Variants in MAP3K9 observed in about 807,000 individuals in gnomAD.
The protein encoded by MAP3K9 is mixed lineage kinase 1 (tyr and ser/thr specificity).
MAP3K9 carries 46 observed loss-of-function variants against 95.8 expected under a neutral mutation model. The observed-to-expected ratio is 0.48, with a 90% CI of 0.38 to 0.61. The LOEUF (loss-of-function observed/expected upper bound fraction) is 0.61. Among genes scored for constraint, MAP3K9 ranks in the 20% least tolerant of loss-of-function variants. The probability of loss-of-function intolerance (pLI) is 0.00; values close to 1 mark genes in which losing one functional copy is unlikely to be tolerated. For synonymous variants in MAP3K9, 533 were observed against 593.8 expected (o/e 0.90, Z 1.49); for missense variants, 1,296 against 1,474.3 (o/e 0.88, Z 1.98).
At chr14:70,739,752 C>G (rs2054041319) in intron 7 of MAP3K9, 1 of 821,768 alleles carries the variant, frequency 1.2e-6, no homozygotes, top group African/African-American at 1.7e-5. Context: ...ATCCACATCA[C>G]ACACCAGTTT....
chr14:70,795,857 C>A (rs192982721), intron 2 of MAP3K9, among the ~76,000 whole-genome samples: 25 of 151,770 alleles, frequency 1.6e-4, no homozygotes, highest in Admixed American at 1.0e-3. Context: ...CTCCCGGGTT[C>A]AAATGATTCT....
At chr14:70,738,442 C>G (rs1200840174) in intron 7 of MAP3K9, 44 bp from the exon 8 acceptor site, 1 of 1,589,810 alleles carries the variant, frequency 6.3e-7, no homozygotes, top group Non-Finnish European at 8.6e-7. Flanking sequence ...AATGGACAGA[C>G]AGGGCTCCCC....
At chr14:70,805,738 G>A (rs1380858902) in intron 1 of MAP3K9, among the ~76,000 whole-genome samples, 1 of 152,142 alleles carries the variant, frequency 6.6e-6, no homozygotes, top group Non-Finnish European at 1.5e-5. Context: ...GGGCAACAAA[G>A]CAAGACCTCA....
At chr14:70,786,360 G>A (rs2054744561) in intron 2 of MAP3K9, among the ~76,000 whole-genome samples, 2 of 151,938 alleles carry the variant, frequency 1.3e-5, no homozygotes, top group Non-Finnish European at 2.9e-5. Context: ...CTCTCAGCGG[G>A]GATTCCTATC....
chr14:70,808,683 CTCGCGCAGTGCT>C, intron 1 of MAP3K9, 71 bp downstream of exon 1: 1 of 295,004 alleles, frequency 3.4e-6, no homozygotes, highest in South Asian at 4.3e-5. Flanking sequence ...CATCCCAGCC[CTCGCGCAGTGCT>C]CCCCCCTTCC....
At chr14:70,748,553 C>T (rs1469364680) in intron 5 of MAP3K9, among the ~76,000 whole-genome samples, 1 of 152,130 alleles carries the variant, frequency 6.6e-6, no homozygotes, top group African/African-American at 2.4e-5. Flanking sequence ...AATCAAGAAA[C>T]ATTTCCAGAA....
At chr14:70,785,521 G>A (rs1238076982) in intron 2 of MAP3K9, among the ~76,000 whole-genome samples, 2 of 152,062 alleles carry the variant, frequency 1.3e-5, no homozygotes, top group African/African-American at 2.4e-5. Flanking sequence ...TACTGTATTC[G>A]CCCTTCTTGT....
chr14:70,809,159 T>C lies in MAP3K9; in HGVS notation c.13A>G (p.Arg5Gly), dbSNP rs2055037648. The C allele has an allele frequency of 7.3e-7, 1 of 1,360,950 alleles. No individual in the cohort carries two copies. The highest frequency in any genetic ancestry group is 3.9e-5 in the Admixed American group (1 of 25,436). The allele number at this position is 1,360,950 out of a possible 1,614,324, so 84.3% of individuals were successfully genotyped here. A position where few individuals can be genotyped will look rare whatever the true frequency, so the allele number is the denominator to read the frequency against. The change falls in exon 1 of 12, where the codon AGA (arginine) becomes GGA (glycine). Residue 5 changes from arginine (R) to glycine (G), a missense_variant. Physicochemically the swap from Arg to Gly is moderately radical, Grantham distance 125. Coordinates refer to ENST00000554752, the MANE Select transcript of MAP3K9 (RefSeq NM_001284230.2). Reference protein sequence around the residue: MEPSRALLGCLASAA... With the variant: MEPSGALLGCLASAA... Reference sequence around the variant, plus strand: ...CTCGCTAGGCAGCCGAGAAGCGCTCTGGAGGGCTCCATGGAGCGGCCGATC... The same window carrying C: ...CTCGCTAGGCAGCCGAGAAGCGCTCCGGAGGGCTCCATGGAGCGGCCGATC...
intron 2 of MAP3K9, among the ~76,000 whole-genome samples, chr14:70,770,082 C>G (rs184391961): frequency 2.0e-5 from 3 of 152,160 alleles, no homozygotes; most frequent in African/African-American, 2.4e-5. Context: ...TAGGCAAGAT[C>G]ATGAACAAGT....
chr14:70,801,886 C>T (rs1386942545), intron 1 of MAP3K9, among the ~76,000 whole-genome samples: 1 of 152,076 alleles, frequency 6.6e-6, no homozygotes. Flanking sequence ...ACGAAGTATA[C>T]GGTATATTAG....
chr14:70,736,524 G>C (rs1566731421), intron 8 of MAP3K9, among the ~76,000 whole-genome samples: 3 of 152,040 alleles, frequency 2.0e-5, no homozygotes, highest in African/African-American at 4.8e-5. Flanking sequence ...TAGGAACTAA[G>C]ACTCATGAAA....
In MAP3K9 at chr14:70,724,131, CT is replaced by C. The variant is rs2053788716; in HGVS notation, c.*6248del. ...GAGAATGAATGAAGTTCATTCACTTCTGGAATTCAAACATGTTCCAAAGAGG... is the reference window on the plus strand; with the variant it reads ...GAGAATGAATGAAGTTCATTCACTTCGGAATTCAAACATGTTCCAAAGAGG... On this transcript the variant is annotated 3_prime_UTR_variant, in exon 12 of 12. Transcript: ENST00000554752. The C allele has an allele frequency of 6.6e-6, 1 of 152,188 alleles. No individual in the cohort carries two copies. Among genetic ancestry groups the C allele is most frequent in the South Asian group, 2.1e-4 (1 of 4,824 alleles). 9.4% of individuals were successfully genotyped at this position (152,188 alleles called of 1,614,324 possible).
chr14:70,747,944 T>A (rs1273258152), intron 5 of MAP3K9, among the ~76,000 whole-genome samples: 1 of 151,782 alleles, frequency 6.6e-6, no homozygotes, highest in East Asian at 1.9e-4. Context: ...CCATCTCAAC[T>A]AAAAATACAA....
At chr14:70,754,353 G>C (rs148076213) in intron 3 of MAP3K9, among the ~76,000 whole-genome samples, 43 of 152,258 alleles carry the variant, frequency 2.8e-4, no homozygotes, top group African/African-American at 1.0e-3. Flanking sequence ...ACATGAATAG[G>C]AGTAAACACA....
chr14:70,771,910 C>T (rs531119848), intron 2 of MAP3K9, among the ~76,000 whole-genome samples: 34 of 152,326 alleles, frequency 2.2e-4, no homozygotes, highest in East Asian at 1.5e-3. Context: ...GTTGTGCTGA[C>T]GCAGCAAGAG....
chr14:70,736,328 T>G (rs1230832029), intron 8 of MAP3K9, among the ~76,000 whole-genome samples: 3 of 152,216 alleles, frequency 2.0e-5, no homozygotes, highest in Non-Finnish European at 4.4e-5. Flanking sequence ...GTATTATTTT[T>G]TAAAAGGATG....
At chr14:70,798,701 A>C (rs1302271877) in intron 2 of MAP3K9, among the ~76,000 whole-genome samples, 1 of 151,576 alleles carries the variant, frequency 6.6e-6, no homozygotes, top group South Asian at 2.1e-4. Context: ...GATGGTCTCG[A>C]TCTCCTGACC....
At chr14:70,735,035 C>T (rs554164368) in intron 9 of MAP3K9, among the ~76,000 whole-genome samples, 1 of 152,354 alleles carries the variant, frequency 6.6e-6, no homozygotes, top group Admixed American at 6.5e-5. Context: ...TTTTAAAAGG[C>T]AAAACCAACC....
intron 2 of MAP3K9, among the ~76,000 whole-genome samples, chr14:70,763,980 T>G (rs1420549828): frequency 6.7e-6 from 1 of 148,784 alleles, no homozygotes; most frequent in African/African-American, 2.5e-5. Context: ...GGTCAGGAGA[T>G]CGAGACCATC....
Sources: gnomAD v4.1 joint callset for allele counts (sites outside exome capture counted in the v4.1 genomes callset) on GRCh38, gnomAD v4.1.1 for gene constraint, MANE v1.5 for transcripts, NCBI Gene and HGNC (gene_info 2026-07-23, HGNC 2026-07-21) for gene names.